Variants in LINGO1 observed in about 807,000 individuals in gnomAD.
The protein encoded by LINGO1 is leucine rich repeat and Ig domain containing 1.
In LINGO1, 11 loss-of-function variants were observed where a neutral mutation model predicts 37.3. The observed-to-expected ratio is 0.29, with a 90% CI of 0.19 to 0.49. LINGO1 has a LOEUF of 0.49. Among genes scored for constraint, LINGO1 ranks in the 20% least tolerant of loss-of-function variants. LINGO1 has a pLI of 0.99. For synonymous variants in LINGO1, 387 were observed against 403.0 expected (o/e 0.96, Z 0.48); for missense variants, 585 against 878.2 (o/e 0.67, Z 4.22).
chr15:77,658,176 C>T (rs1453287280), intron 3 of LINGO1, among the ~76,000 whole-genome samples: 1 of 152,214 alleles, frequency 6.6e-6, no homozygotes, highest in Non-Finnish European at 1.5e-5. Flanking sequence ...CTGCCCTGCC[C>T]ACCCTGGAGT....
At chr15:77,783,885 C>T (rs1276313173) in intron 1 of LINGO1, among the ~76,000 whole-genome samples, 2 of 152,174 alleles carry the variant, frequency 1.3e-5, no homozygotes, top group Non-Finnish European at 2.9e-5. Flanking sequence ...ATACAGGAAG[C>T]CTTTCTCCGT....
At chr15:77,806,418 G>A (rs1207096787) in intron 1 of LINGO1, among the ~76,000 whole-genome samples, 1 of 152,226 alleles carries the variant, frequency 6.6e-6, no homozygotes, top group Middle Eastern at 3.4e-3. Flanking sequence ...AGGGGTACTC[G>A]GCAGAAGTGG....
intron 2 of LINGO1, among the ~76,000 whole-genome samples, chr15:77,719,054 G>T (rs1250001575): frequency 6.6e-6 from 1 of 150,382 alleles, no homozygotes; most frequent in Non-Finnish European, 1.5e-5. Flanking sequence ...CTCCATAAAT[G>T]AGGAGCTTGT....
intron 1 of LINGO1, among the ~76,000 whole-genome samples, chr15:77,815,990 C>A (rs2077044696): frequency 6.6e-6 from 1 of 152,170 alleles, no homozygotes; most frequent in Non-Finnish European, 1.5e-5. Context: ...GTGCCATCTT[C>A]CTAGAAAGCC....
intron 1 of LINGO1, among the ~76,000 whole-genome samples, chr15:77,796,317 C>T (rs906815436): frequency 1.3e-5 from 2 of 152,210 alleles, no homozygotes; most frequent in African/African-American, 4.8e-5. Context: ...CGTGCACACA[C>T]ACACACACTC....
intron 1 of LINGO1, among the ~76,000 whole-genome samples, chr15:77,750,944 C>T (rs1370141136): frequency 6.6e-6 from 1 of 152,118 alleles, no homozygotes; most frequent in East Asian, 1.9e-4. Flanking sequence ...CAGGGCCAGT[C>T]CAGTGGGAAA....
chr15:77,775,204 C>A (rs1380695142), intron 1 of LINGO1, among the ~76,000 whole-genome samples: 1 of 152,154 alleles, frequency 6.6e-6, no homozygotes, highest in African/African-American at 2.4e-5. Context: ...GGCCTTCAAG[C>A]CCCCACTTGA....
rs1238644567 is a variant in LINGO1 at position 77,776,464 on chromosome 15, G to GGCAGGAAAGCAGGAAGGCAGGAAA, written c.-257+10404_-257+10405insTTTCCTGCCTTCCTGCTTTCCTGC. 1.5e-3 allele frequency among the ~76,000 whole-genome samples: 171 copies of GGCAGGAAAGCAGGAAGGCAGGAAA among 111,536 alleles called. 3 individuals carry two copies. Among genetic ancestry groups the GGCAGGAAAGCAGGAAGGCAGGAAA allele is most frequent in the African/African-American group, 4.1e-3 (117 of 28,452 alleles). The allele number at this position is 111,536 out of a possible 152,430, so 73.2% of individuals were successfully genotyped here. A position where few individuals can be genotyped will look rare whatever the true frequency, so the allele number is the denominator to read the frequency against. On this transcript the variant is annotated intron_variant, in intron 1 of 3. Coordinates refer to the LINGO1 transcript ENST00000561686. ...CGGGGCTTTAGCAGGAAGGCAGGAA[G>GGCAGGAAAGCAGGAAGGCAGGAAA]GCAGGAAGGCAGGAAGGCAGGAAAG... is the stretch of plus-strand genomic sequence containing the variant.
At chr15:77,692,306 G>C (rs2075617999) in intron 1 of LINGO1, among the ~76,000 whole-genome samples, 1 of 152,130 alleles carries the variant, frequency 6.6e-6, no homozygotes. Flanking sequence ...AGTAACCTGG[G>C]GCCACGTCTA....
chr15:77,813,134 A>C (rs1055311383), intron 1 of LINGO1, among the ~76,000 whole-genome samples: 2 of 152,262 alleles, frequency 1.3e-5, no homozygotes, highest in Non-Finnish European at 2.9e-5. Flanking sequence ...TAGTGGGTAC[A>C]CAGTAAATAA....
In LINGO1 at chr15:77,613,790, C is replaced by T. The variant is rs1399729377; in HGVS notation, c.*254G>A. On this transcript the variant is annotated 3_prime_UTR_variant, in exon 2 of 2. Transcript: ENST00000355300. ...TTATTGACTCTGCCGCGTGTCGGTT[C>T]GTCGGCTTTCAACTCCAGTCTGTCA... 22 of 480,998 alleles carry T rather than the reference C, an allele frequency of 4.6e-5. No individual in the cohort carries two copies. Among genetic ancestry groups the T allele is most frequent in the East Asian group, 1.2e-4 (4 of 33,440 alleles). 29.8% of individuals were successfully genotyped at this position (480,998 alleles called of 1,614,324 possible). A position where few individuals can be genotyped will look rare whatever the true frequency, so the allele number is the denominator to read the frequency against.
intron 1 of LINGO1, among the ~76,000 whole-genome samples, chr15:77,744,640 CACG>C (rs1211055622): frequency 2.0e-5 from 3 of 152,270 alleles, no homozygotes; most frequent in South Asian, 2.1e-4. Context: ...ATCTAATCAA[CACG>C]ACAAGACTGT....
At chr15:77,760,325 C>T (rs1026428693) in intron 1 of LINGO1, among the ~76,000 whole-genome samples, 6 of 152,228 alleles carry the variant, frequency 3.9e-5, no homozygotes, top group African/African-American at 1.4e-4. Context: ...GCTCCCGTCC[C>T]CCAGCCCCAC....
chr15:77,748,431 G>A (rs1355996286), intron 1 of LINGO1, among the ~76,000 whole-genome samples: 1 of 151,666 alleles, frequency 6.6e-6, no homozygotes, highest in Non-Finnish European at 1.5e-5. Flanking sequence ...GGGATTCCAT[G>A]AGAGAAGATC....
At chr15:77,697,596 C>T (rs1285441528), upstream of LINGO1, among the ~76,000 whole-genome samples, 2 of 149,452 alleles carry the variant, frequency 1.3e-5, no homozygotes, top group Non-Finnish European at 3.0e-5. Context: ...TTCACTCATT[C>T]ATTCAGCAAA....
rs142511052 is a variant in LINGO1 at position 77,811,680 on chromosome 15, C to G, written c.-458+8578G>C. Among the ~76,000 whole-genome samples, 13 of 152,324 alleles carry G rather than the reference C, an allele frequency of 8.5e-5. No individual in the cohort carries two copies. The East Asian group carries it at 2.5e-3, about 29-fold the overall frequency. ...CCTCAGTCCGCTCATCTATCAGATT[C>G]TTTATCTCCCAAGGATAAAATGAAA... On this transcript the variant is annotated intron_variant, in intron 1 of 5. Transcript: ENST00000562933.
chr15:77,728,855 T>C (rs563422090), intron 2 of LINGO1, among the ~76,000 whole-genome samples: 1 of 152,368 alleles, frequency 6.6e-6, no homozygotes, highest in East Asian at 1.9e-4. Flanking sequence ...ATTAAATAAA[T>C]AACTATTTGT....
intron 1 of LINGO1, chr15:77,696,125 C>T (rs2075689474): frequency 6.6e-6 from 1 of 152,160 alleles, no homozygotes; most frequent in Non-Finnish European, 1.5e-5. Context: ...CTAAATATCT[C>T]TGTATAATGG....
chr15:77,621,883 G>A (rs553360804), intron 1 of LINGO1, among the ~76,000 whole-genome samples: 14 of 152,312 alleles, frequency 9.2e-5, no homozygotes, highest in African/African-American at 2.2e-4. Flanking sequence ...CCCACTCAGC[G>A]TTCCTCGGGG....
Sources: allele counts gnomAD v4.1 joint callset (sites outside exome capture counted in the v4.1 genomes callset), GRCh38; gene constraint gnomAD v4.1.1; transcripts MANE v1.5; gene names NCBI Gene and HGNC (gene_info 2026-07-23, HGNC 2026-07-21).